FBXO10: variants seen among roughly 807,000 people sequenced by gnomAD.
The protein encoded by FBXO10 is F-box only protein 10.
In FBXO10, 39 loss-of-function variants were observed where a neutral mutation model predicts 80.7. The observed-to-expected ratio is 0.48, with a 90% CI of 0.37 to 0.63. FBXO10 has a LOEUF of 0.63. Among genes scored for constraint, FBXO10 ranks in the 30% least tolerant of loss-of-function variants. The probability of loss-of-function intolerance (pLI) is 0.00; values close to 1 mark genes in which losing one functional copy is unlikely to be tolerated. For missense variants in FBXO10, 1,025 were observed against 1,269.0 expected, an observed-to-expected ratio of 0.81 and a Z score of 2.92; for synonymous variants, 449 against 489.6, an observed-to-expected ratio of 0.92 and a Z score of 1.09.
chr9:37,571,549 C>T (rs1040583388), intron 1 of FBXO10, among the ~76,000 whole-genome samples: 1 of 151,608 alleles, frequency 6.6e-6, no homozygotes, highest in Non-Finnish European at 1.5e-5. Context: ...ACTGCAACTG[C>T]CCCCTCACCA....
intron 8 of FBXO10, among the ~76,000 whole-genome samples, chr9:37,521,063 G>A (rs1821332137): frequency 6.6e-6 from 1 of 152,216 alleles, no homozygotes; most frequent in Non-Finnish European, 1.5e-5. Context: ...GTGTGGATGG[G>A]AGAAAGGCAT....
intron 1 of FBXO10, among the ~76,000 whole-genome samples, chr9:37,547,696 C>T (rs1822091433): frequency 6.6e-6 from 1 of 152,080 alleles, no homozygotes; most frequent in Admixed American, 6.5e-5. Flanking sequence ...CAGTGGCTCA[C>T]ACCTGTAATG....
At chr9:37,525,026 T>G in intron 6 of FBXO10, 76 bp downstream of exon 6, 1 of 1,263,710 alleles carries the variant, frequency 7.9e-7, no homozygotes, top group South Asian at 1.3e-5. Flanking sequence ...AGGAGCAGTG[T>G]GAGGTCCTGA....
chr9:37,549,072 C>T (rs1326011309), intron 1 of FBXO10, among the ~76,000 whole-genome samples: 1 of 152,160 alleles, frequency 6.6e-6, no homozygotes, highest in Non-Finnish European at 1.5e-5. Flanking sequence ...CACCTCTGAT[C>T]TTGTCAATTG....
At chr9:37,546,790 C>T (rs1382032386) in intron 1 of FBXO10, among the ~76,000 whole-genome samples, 2 of 151,670 alleles carry the variant, frequency 1.3e-5, no homozygotes, top group African/African-American at 4.9e-5. Flanking sequence ...AAGCAATTCT[C>T]GTGCCTCAGC....
At position 37,537,367 on chromosome 9, in the gene FBXO10, A is replaced by T; in HGVS notation, c.1162T>A (p.Ser388Thr). The T allele has an allele frequency of 6.3e-7, 1 of 1,598,662 alleles. No individual in the cohort carries two copies. Among genetic ancestry groups the T allele is most frequent in the East Asian group, 2.3e-5 (1 of 44,174 alleles). ...VQGPRPVLGG[S>T]FLGPPLPGAS... The stretch of plus-strand genomic sequence containing the variant: ...CCTGGTAGAGGTGGGCCCAGAAATG[A>T]GCCCCCCAATACAGGGCGTGGGCCC... The change falls in exon 3 of 11, where the codon TCA becomes ACA. Residue 388 changes from serine (S) to threonine (T), a missense_variant. Ser to Thr is a moderately conservative substitution (Grantham distance 58, BLOSUM62 1). Transcript: ENST00000432825.
intron 7 of FBXO10, among the ~76,000 whole-genome samples, chr9:37,522,132 C>G (rs569221839): frequency 6.6e-6 from 1 of 152,336 alleles, no homozygotes; most frequent in South Asian, 2.1e-4. Context: ...GTGACAGTGC[C>G]AAGGGGGCAC....
At chr9:37,574,138 G>C (rs1822832456) in intron 1 of FBXO10, among the ~76,000 whole-genome samples, 1 of 152,124 alleles carries the variant, frequency 6.6e-6, no homozygotes, top group South Asian at 2.1e-4. Flanking sequence ...TACATCATCA[G>C]AGCCCCCACT....
intron 2 of FBXO10, among the ~76,000 whole-genome samples, chr9:37,540,213 G>C (rs1409417240): frequency 6.6e-6 from 1 of 150,918 alleles, no homozygotes; most frequent in Non-Finnish European, 1.5e-5. Flanking sequence ...TTGAGACAAA[G>C]TCTCACTCTT....
At chr9:37,552,675 G>C (rs1421247851) in intron 1 of FBXO10, among the ~76,000 whole-genome samples, 1 of 128,988 alleles carries the variant, frequency 7.8e-6, no homozygotes, top group Non-Finnish European at 1.6e-5. Context: ...CTGTGTGACA[G>C]AGCGAGACTC....
At position 37,521,669 on chromosome 9, in the gene FBXO10, G is replaced by A. The variant is rs750409658; in HGVS notation, c.2100C>T (p.Asp700=). The A allele has an allele frequency of 3.5e-5, 56 of 1,613,830 alleles. No individual in the cohort carries two copies. The highest frequency in any genetic ancestry group is 4.3e-5 in the Non-Finnish European group (51 of 1,179,890). ...RAQENFSEDG[D]AILWETELEK... ...CCAGCTCTGTCTCCCAGAGGATGGC[G>A]TCCCCATCCTCGCTGAAGTTCTCTT... The change falls in exon 8 of 11, where the codon GAC becomes GAT. Residue 700 remains aspartate (D), a synonymous_variant. Coordinates refer to ENST00000432825, the MANE Select transcript of FBXO10 (RefSeq NM_012166.3).
intron 1 of FBXO10, among the ~76,000 whole-genome samples, chr9:37,547,029 A>G (rs1446537970): frequency 6.6e-6 from 1 of 152,186 alleles, no homozygotes; most frequent in African/African-American, 2.4e-5. Context: ...AGTTAAATGC[A>G]TACCTATCCT....
intron 1 of FBXO10, among the ~76,000 whole-genome samples, chr9:37,573,524 C>T (rs1822813094): frequency 6.6e-6 from 1 of 152,152 alleles, no homozygotes; most frequent in African/African-American, 2.4e-5. Flanking sequence ...AACAGTTATG[C>T]CATATAGCTG....
intron 1 of FBXO10, among the ~76,000 whole-genome samples, chr9:37,570,976 G>A (rs1308193788): frequency 1.4e-5 from 2 of 146,976 alleles, no homozygotes; most frequent in African/African-American, 2.6e-5. Flanking sequence ...CCTGGCGACA[G>A]GGCAAGACTC....
intron 7 of FBXO10, 131 bp downstream of exon 7, chr9:37,522,694 G>A: frequency 1.7e-6 from 2 of 1,194,008 alleles, no homozygotes; most frequent in Non-Finnish European, 2.3e-6. Context: ...GGGTGACTGT[G>A]GCCTGAGAGT....
chr9:37,534,460 C>CA, intron 3 of FBXO10, among the ~76,000 whole-genome samples: 1 of 151,920 alleles, frequency 6.6e-6, no homozygotes, highest in African/African-American at 2.4e-5. Flanking sequence ...GACTCCGTCT[C>CA]AAAAAAAGAA....
At chr9:37,550,168 G>GGTTTTTT (rs1563883394) in intron 1 of FBXO10, among the ~76,000 whole-genome samples, 5 of 73,094 alleles carry the variant, frequency 6.8e-5, no homozygotes, top group African/African-American at 2.9e-4. Context: ...TGTCGTCTCA[G>GGTTTTTT]GTTTTTTTTT....
intron 2 of FBXO10, among the ~76,000 whole-genome samples, chr9:37,538,581 G>A (rs1180146538): frequency 3.3e-5 from 5 of 152,026 alleles, no homozygotes; most frequent in Non-Finnish European, 7.4e-5. Context: ...GGTGGTGTGC[G>A]CCTGTAGTCC....
intron 1 of FBXO10, among the ~76,000 whole-genome samples, chr9:37,546,153 A>G (rs1236162572): frequency 2.0e-5 from 3 of 152,050 alleles, no homozygotes; most frequent in Non-Finnish European, 4.4e-5. Context: ...AAAAAAAAAA[A>G]AGACTGTGAT....
Sources: gnomAD v4.1 joint callset for allele counts (sites outside exome capture counted in the v4.1 genomes callset) on GRCh38, gnomAD v4.1.1 for gene constraint, MANE v1.5 for transcripts, NCBI Gene and HGNC (gene_info 2026-07-23, HGNC 2026-07-21) for gene names.